The following SLC39A11 variants were observed in gnomAD, a reference collection of about 807,000 sequenced individuals.
SLC39A11 encodes zinc transporter ZIP11.
Under a neutral mutation model 36.1 loss-of-function variants are expected in SLC39A11, and 33 were observed. The observed-to-expected ratio is 0.91, with a 90% CI of 0.69 to 1.22. The LOEUF is 1.22. Among genes scored for constraint, SLC39A11 ranks in the 50% most tolerant of loss-of-function variants. The probability of loss-of-function intolerance (pLI) is 0.00; values close to 1 mark genes in which losing one functional copy is unlikely to be tolerated. For missense variants in SLC39A11, 432 were observed against 430.3 expected (o/e 1.00, Z -0.03); for synonymous variants, 166 against 170.3 (o/e 0.97, Z 0.20).
At chr17:72,846,249 C>T (rs1220667307) in intron 6 of SLC39A11, among the ~76,000 whole-genome samples, 2 of 152,020 alleles carry the variant, frequency 1.3e-5, no homozygotes, top group Non-Finnish European at 2.9e-5. Context: ...AGGCTGGTCT[C>T]AAACTCCTGA....
At position 72,993,627 on chromosome 17, in the gene SLC39A11, T is replaced by G. The variant is rs148550631; in HGVS notation, c.306+37929A>C. On this transcript the variant is annotated intron_variant, in intron 4 of 9. Coordinates refer to ENST00000255559, the MANE Select transcript of SLC39A11 (RefSeq NM_139177.4). ...GAATTATAATGGCAACTCTGCCATG[T>G]TCCATACACCAAGTTTCTATATATT... Among the ~76,000 whole-genome samples the G allele has an allele frequency of 5.2e-3, 790 of 152,312 alleles. 4 individuals carry two copies. The highest frequency in any genetic ancestry group is 0.018 in the African/African-American group (737 of 41,568).
intron 6 of SLC39A11, among the ~76,000 whole-genome samples, chr17:72,807,959 C>T (rs1052041564): frequency 2.6e-5 from 4 of 152,008 alleles, no homozygotes; most frequent in East Asian, 1.9e-4. Flanking sequence ...GGATCTGACA[C>T]GATCTCCAGG....
At chr17:72,818,388 C>T (rs959617809) in intron 6 of SLC39A11, among the ~76,000 whole-genome samples, 3 of 152,094 alleles carry the variant, frequency 2.0e-5, no homozygotes, top group African/African-American at 7.2e-5. Context: ...TGCATTCCTC[C>T]AGGTGTGGAC....
chr17:73,073,963 G>C (rs2060240393), intron 3 of SLC39A11: 1 of 151,430 alleles, frequency 6.6e-6, no homozygotes, highest in Admixed American at 6.6e-5. Context: ...ATCTCAGTGT[G>C]GTCCAACACC....
rs117233645 is a variant in SLC39A11, at chr17:72,741,294, C to T, written c.602-4575G>A. Reference sequence around the variant, plus strand: ...CTGATCTTGAACTCCTAGCCTCAAGCGATCCTCCTGCCTCAGCCTCTCAAA... The same window carrying T: ...CTGATCTTGAACTCCTAGCCTCAAGTGATCCTCCTGCCTCAGCCTCTCAAA... On this transcript the variant is annotated intron_variant, in intron 6 of 9. Coordinates refer to ENST00000255559, the MANE Select transcript of SLC39A11 (RefSeq NM_139177.4). 1.7e-3 allele frequency among the ~76,000 whole-genome samples: 252 copies of T among 152,260 alleles called. 7 individuals are homozygous for T. In the East Asian group the frequency reaches 0.043, roughly 26 times the overall value.
intron 4 of SLC39A11, among the ~76,000 whole-genome samples, chr17:72,981,075 G>A (rs1263045107): frequency 2.0e-5 from 3 of 151,466 alleles, no homozygotes; most frequent in African/African-American, 7.3e-5. Context: ...TAAATTTTCT[G>A]GTAGGCACAA....
chr17:72,884,821 A>T (rs2081371160), intron 5 of SLC39A11, among the ~76,000 whole-genome samples: 1 of 152,252 alleles, frequency 6.6e-6, no homozygotes, highest in Admixed American at 6.5e-5. Flanking sequence ...ACATAATTCC[A>T]CTCAAAATCA....
chr17:72,848,088 C>T (rs751680723), intron 6 of SLC39A11, among the ~76,000 whole-genome samples: 1 of 152,220 alleles, frequency 6.6e-6, no homozygotes, highest in Non-Finnish European at 1.5e-5. Context: ...ACAATGCGCT[C>T]GTAAGTCCCA....
intron 4 of SLC39A11, 110 bp downstream of exon 4, chr17:73,031,446 G>A: frequency 8.5e-7 from 1 of 1,181,326 alleles, no homozygotes; most frequent in Middle Eastern, 2.2e-4. Flanking sequence ...AAATACCACT[G>A]GCTACTTAAC....
chr17:72,755,306 G>A (rs1169842994), intron 6 of SLC39A11, among the ~76,000 whole-genome samples: 2 of 152,260 alleles, frequency 1.3e-5, no homozygotes, highest in Non-Finnish European at 2.9e-5. Context: ...AGTGAATAAG[G>A]GCAACGAAAT....
intron 5 of SLC39A11, among the ~76,000 whole-genome samples, chr17:72,895,487 G>A (rs546340162): frequency 3.9e-5 from 6 of 151,974 alleles, no homozygotes; most frequent in Non-Finnish European, 5.9e-5. Flanking sequence ...GCTGAGGCGG[G>A]AGAATTGCTT....
At chr17:72,748,677 A>G (rs1214480741) in intron 6 of SLC39A11, among the ~76,000 whole-genome samples, 1 of 152,192 alleles carries the variant, frequency 6.6e-6, no homozygotes, top group Non-Finnish European at 1.5e-5. Context: ...GTCAATTTCA[A>G]TTTGCTTTAG....
At chr17:73,004,218 A>AGAAG (rs2090039102) in intron 4 of SLC39A11, among the ~76,000 whole-genome samples, 1 of 113,288 alleles carries the variant, frequency 8.8e-6, no homozygotes, top group Non-Finnish European at 1.9e-5. Flanking sequence ...AAAGAAAGAA[A>AGAAG]GAAAGAAAGA....
intron 5 of SLC39A11, among the ~76,000 whole-genome samples, chr17:72,872,095 C>T (rs754839710): frequency 1.3e-5 from 2 of 152,158 alleles, no homozygotes; most frequent in Non-Finnish European, 2.9e-5. Context: ...TTTTCCTATA[C>T]AAGAGGTAAA....
chr17:73,072,111 G>A (rs1246048731), intron 3 of SLC39A11, among the ~76,000 whole-genome samples: 1 of 152,140 alleles, frequency 6.6e-6, no homozygotes, highest in Non-Finnish European at 1.5e-5. Context: ...TGAATCTCTA[G>A]GCCCTTATTA....
At chr17:72,974,872 T>A (rs1406759902) in intron 4 of SLC39A11, among the ~76,000 whole-genome samples, 1 of 152,192 alleles carries the variant, frequency 6.6e-6, no homozygotes, top group Non-Finnish European at 1.5e-5. Flanking sequence ...ACCTCTTCTA[T>A]GTTCAGATAC....
At chr17:72,773,952 T>G (rs2466505) in intron 6 of SLC39A11, among the ~76,000 whole-genome samples, 2,995 of 152,250 alleles carry the variant, frequency 0.02, 110 homozygotes, top group African/African-American at 0.067. Flanking sequence ...GAAGCATCTA[T>G]GTTTCCTCTT....
chr17:72,874,707 G>C (rs1305039090), intron 5 of SLC39A11, among the ~76,000 whole-genome samples: 2 of 152,180 alleles, frequency 1.3e-5, no homozygotes, highest in Non-Finnish European at 2.9e-5. Context: ...TGAAAAATGA[G>C]CAGAAGTATC....
At chr17:72,833,104 A>C (rs1239461209) in intron 6 of SLC39A11, among the ~76,000 whole-genome samples, 1 of 152,228 alleles carries the variant, frequency 6.6e-6, no homozygotes, top group Admixed American at 6.5e-5. Flanking sequence ...CTACAAATAG[A>C]TTACTTTATT....
Sources: allele counts gnomAD v4.1 joint callset (sites outside exome capture counted in the v4.1 genomes callset), GRCh38; gene constraint gnomAD v4.1.1; transcripts MANE v1.5; gene names NCBI Gene and HGNC (gene_info 2026-07-23, HGNC 2026-07-21).